The following B3GLCT variants were observed in gnomAD, a reference collection of about 807,000 sequenced individuals.
B3GLCT encodes the protein beta 3-glucosyltransferase.
In B3GLCT, 65 loss-of-function variants were observed where a neutral mutation model predicts 63.4. The ratio of observed to expected loss-of-function variants is 1.03; its 90% CI spans 0.84 to 1.26. B3GLCT has a LOEUF of 1.26. Ranked by LOEUF, B3GLCT falls within the 50% of genes most tolerant of loss-of-function variation. The pLI is 0.00. For synonymous variants in B3GLCT, 233 were observed against 219.2 expected, an observed-to-expected ratio of 1.06 and a Z score of -0.55; for missense variants, 577 against 604.8, an observed-to-expected ratio of 0.95 and a Z score of 0.48.
At chr13:31,299,471 C>T (rs1874120833) in intron 12 of B3GLCT, among the ~76,000 whole-genome samples, 1 of 152,228 alleles carries the variant, frequency 6.6e-6, no homozygotes, top group East Asian at 1.9e-4. Flanking sequence ...CTATTCCTGT[C>T]AAGACCCATT....
At chr13:31,317,468 A>G in intron 12 of B3GLCT, 98 bp from the exon 13 acceptor site, 1 of 1,385,150 alleles carries the variant, frequency 7.2e-7, no homozygotes, top group Non-Finnish European at 1.0e-6. Flanking sequence ...TCAGTTTAGT[A>G]TTACACAGTA....
intron 13 of B3GLCT, among the ~76,000 whole-genome samples, chr13:31,320,691 G>A (rs1875289713): frequency 2.6e-5 from 4 of 152,168 alleles, no homozygotes; most frequent in Admixed American, 2.6e-4. Context: ...GACCTCTCAT[G>A]ATCTTGGCAG....
intron 4 of B3GLCT, among the ~76,000 whole-genome samples, chr13:31,235,804 G>A (rs952103544): frequency 1.3e-5 from 2 of 152,126 alleles, no homozygotes; most frequent in Admixed American, 6.5e-5. Context: ...AAATCTGTAT[G>A]CATTGAACAA....
intron 5 of B3GLCT, among the ~76,000 whole-genome samples, 159 bp from the exon 6 acceptor site, chr13:31,247,696 T>G (rs1229571935): frequency 1.3e-5 from 2 of 152,244 alleles, no homozygotes; most frequent in African/African-American, 2.4e-5. Context: ...TTTTAAACCA[T>G]TAGCATCTGG....
intron 10 of B3GLCT, among the ~76,000 whole-genome samples, chr13:31,282,742 A>G (rs1593295364): frequency 6.6e-6 from 1 of 152,296 alleles, no homozygotes; most frequent in South Asian, 2.1e-4. Flanking sequence ...TTGTAGAATC[A>G]TAATATCTTA....
chr13:31,222,849 C>G (rs1869886026), intron 2 of B3GLCT, 103 bp from the exon 3 acceptor site: 1 of 812,336 alleles, frequency 1.2e-6, no homozygotes, highest in Non-Finnish European at 2.1e-6. Context: ...AAATCTTCCT[C>G]CCATGTGCTG....
chr13:31,257,252 A>G (rs760289464), intron 6 of B3GLCT, among the ~76,000 whole-genome samples: 1 of 152,206 alleles, frequency 6.6e-6, no homozygotes, highest in Non-Finnish European at 1.5e-5. Context: ...GACAGTTTTC[A>G]AAATATACTG....
At position 31,286,747 on chromosome 13, in the gene B3GLCT, T is replaced by A; in HGVS notation, c.992T>A (p.Leu331Ter). 1 of 1,613,402 alleles carries A rather than the reference T, an allele frequency of 6.2e-7. No individual in the cohort carries two copies. The highest frequency in any genetic ancestry group is 1.3e-5 in the African/African-American group (1 of 75,052). ...CATTGTGGAAAGACATTTGCCATTT[T>A]GGAAAGATTTCTGAATCGTAGCCAG... ...RGHCGKTFAI[L>*]ERFLNRSQDK... The change falls in exon 12 of 15, where the codon TTG (leucine) becomes TAG (stop). Residue 331 changes from leucine (L) to a stop codon, truncating the protein, a stop_gained. Transcript: ENST00000343307. LOFTEE classifies it high-confidence loss of function.
intron 1 of B3GLCT, among the ~76,000 whole-genome samples, chr13:31,214,848 T>A (rs1345233809): frequency 1.3e-5 from 2 of 152,268 alleles, no homozygotes; most frequent in Non-Finnish European, 2.9e-5. Context: ...CCTAAGCGTG[T>A]TGGCTTCGTG....
intron 14 of B3GLCT, among the ~76,000 whole-genome samples, chr13:31,327,823 A>T (rs954942349): frequency 6.6e-6 from 1 of 151,804 alleles, no homozygotes; most frequent in African/African-American, 2.4e-5. Context: ...TAGATTTTTA[A>T]CTCCCTGAGC....
At chr13:31,288,197 C>A (rs7998271) in intron 12 of B3GLCT, among the ~76,000 whole-genome samples, 101,943 of 151,990 alleles carry the variant, frequency 0.67, 36,167 homozygotes, top group Middle Eastern at 0.8. Flanking sequence ...ATAATGGACA[C>A]TTAGGACAGT....
chr13:31,282,071 T>C (rs1873095790), intron 10 of B3GLCT, among the ~76,000 whole-genome samples: 2 of 152,190 alleles, frequency 1.3e-5, no homozygotes, highest in African/African-American at 2.4e-5. Context: ...GCATTCACTA[T>C]TATTATAGGA....
At chr13:31,286,534 C>T (rs890384167) in intron 11 of B3GLCT, among the ~76,000 whole-genome samples, 186 bp from the exon 12 acceptor site, 2 of 152,116 alleles carry the variant, frequency 1.3e-5, no homozygotes, top group Admixed American at 1.3e-4. Flanking sequence ...TTCATTATCT[C>T]TAAAGTTCCC....
At chr13:31,243,886 G>A (rs866624460) in intron 4 of B3GLCT, among the ~76,000 whole-genome samples, 1 of 152,162 alleles carries the variant, frequency 6.6e-6, no homozygotes, top group South Asian at 2.1e-4. Context: ...ATTACTGCAA[G>A]CGACCTTTTC....
intron 12 of B3GLCT, among the ~76,000 whole-genome samples, chr13:31,313,812 C>A (rs1874849090): frequency 6.6e-6 from 1 of 152,186 alleles, no homozygotes. Context: ...GCAGCTCCTT[C>A]CCCTGCTCCC....
intron 10 of B3GLCT, among the ~76,000 whole-genome samples, chr13:31,278,518 A>G (rs924040467): frequency 6.6e-6 from 1 of 152,226 alleles, no homozygotes; most frequent in Admixed American, 6.5e-5. Flanking sequence ...TCATTAAAGC[A>G]TGAGGCCTAA....
At chr13:31,203,041 G>GTAT (rs745654731) in intron 1 of B3GLCT, among the ~76,000 whole-genome samples, 1 of 152,096 alleles carries the variant, frequency 6.6e-6, no homozygotes, top group Non-Finnish European at 1.5e-5. Flanking sequence ...AAAATAATAG[G>GTAT]TATTAGCTTT....
At chr13:31,329,395 T>C (rs923277581) in intron 14 of B3GLCT, 106 bp from the exon 15 acceptor site, 11 of 1,254,292 alleles carry the variant, frequency 8.8e-6, no homozygotes, top group African/African-American at 5.9e-5. Context: ...CTATAGCCAA[T>C]GTTAGGTAGT....
At chr13:31,305,341 A>T (rs1314303569) in intron 12 of B3GLCT, among the ~76,000 whole-genome samples, 1 of 117,584 alleles carries the variant, frequency 8.5e-6, no homozygotes, top group Non-Finnish European at 1.8e-5. Context: ...AGCAGAATGG[A>T]AGGAAATAGA....
Sources: gnomAD v4.1 joint callset for allele counts (sites outside exome capture counted in the v4.1 genomes callset) on GRCh38, gnomAD v4.1.1 for gene constraint, MANE v1.5 for transcripts, NCBI Gene and HGNC (gene_info 2026-07-23, HGNC 2026-07-21) for gene names.